Variants in MROH1 observed in about 807,000 individuals in gnomAD.
The protein encoded by MROH1 is maestro heat-like repeat-containing protein family member 1.
In MROH1, 117 loss-of-function variants were observed where a neutral mutation model predicts 116.5. The observed-to-expected ratio is 1.00, with a 90% CI of 0.86 to 1.17. MROH1 has a LOEUF of 1.17. Among genes scored for constraint, MROH1 ranks in the 50% most tolerant of loss-of-function variants. The pLI, the probability that MROH1 is intolerant of heterozygous loss-of-function variation, is 0.00. For missense variants in MROH1, 1,873 were observed against 1,338.5 expected, an observed-to-expected ratio of 1.40 and a Z score of -6.23; for synonymous variants, 921 against 583.9, an observed-to-expected ratio of 1.58 and a Z score of -8.32.
chr8:144,212,908 C>CT lies in MROH1; in HGVS notation c.1142-7691dup. 4.3e-6 allele frequency: 3 copies of CT among 701,664 alleles called. No homozygotes were observed. The South Asian group carries it at 4.6e-5, about 11-fold the overall frequency. The allele number at this position is 701,664 out of a possible 1,614,324, so 43.5% of individuals were successfully genotyped here. The stretch of plus-strand genomic sequence containing the variant: ...ATCTAACCTCTTTTCTGTTACGTCT[C>CT]TATCTCTGTTCTCAGGAATCCAGTT... On this transcript the variant is annotated intron_variant, in intron 12 of 43. Transcript: ENST00000326134.
At chr8:144,183,131 A>T (rs1826093431) in intron 7 of MROH1, among the ~76,000 whole-genome samples, 1 of 152,108 alleles carries the variant, frequency 6.6e-6, no homozygotes, top group African/African-American at 2.4e-5. Flanking sequence ...TAATCCCAGT[A>T]CTTTGGGAGG....
In MROH1 at chr8:144,255,644, C is replaced by T; in HGVS notation, c.3730C>T (p.Gln1244Ter). 1 of 771,232 alleles carries T rather than the reference C, an allele frequency of 1.3e-6. No homozygotes were observed. Among genetic ancestry groups the T allele is most frequent in the Non-Finnish European group, 2.4e-6 (1 of 414,474 alleles). 47.8% of individuals were successfully genotyped at this position (771,232 alleles called of 1,614,324 possible). ...TVGVQLPRNL[Q>*]AQERRGASPA... ...GGGTGTCCAGCTGCCCCGGAACCTG[C>T]AGGCCCAGGAAAGGAGGGGTGCCAG... The change falls in exon 35 of 44, where the codon CAG (glutamine) becomes TAG (stop). Residue 1244 changes from glutamine (Q) to a stop codon, truncating the protein, a stop_gained. Coordinates refer to ENST00000326134, the MANE Select transcript of MROH1 (RefSeq NM_032450.3). LOFTEE classifies it high-confidence loss of function.
chr8:144,201,890 G>A (rs575195472), intron 12 of MROH1, among the ~76,000 whole-genome samples: 54 of 152,118 alleles, frequency 3.5e-4, no homozygotes, highest in African/African-American at 1.2e-3. Context: ...GCGTGGTGGC[G>A]GGCGCCTGTA....
chr8:144,245,331 C>A, intron 29 of MROH1, 71 bp downstream of exon 29: 4 of 760,412 alleles, frequency 5.3e-6, no homozygotes, highest in Non-Finnish European at 9.6e-6. Context: ...GAGCTGCCTT[C>A]CTGGCTTCCT....
intron 1 of MROH1, among the ~76,000 whole-genome samples, chr8:144,157,085 A>C (rs991337050): frequency 1.6e-4 from 25 of 152,132 alleles, no homozygotes; most frequent in Admixed American, 1.4e-3. Flanking sequence ...CCTCCTGAGT[A>C]GCCGGGATTA....
chr8:144,158,371 C>G (rs1818683157), intron 1 of MROH1, among the ~76,000 whole-genome samples: 2 of 150,300 alleles, frequency 1.3e-5, no homozygotes, highest in Admixed American at 1.3e-4. Context: ...GTGATCCACC[C>G]ACCTTGGCCT....
At chr8:144,225,617 T>C (rs1489403057) in intron 14 of MROH1, among the ~76,000 whole-genome samples, 2 of 152,070 alleles carry the variant, frequency 1.3e-5, no homozygotes, top group African/African-American at 4.8e-5. Context: ...AGTGGTGCAA[T>C]CTTGGCTCAC....
At chr8:144,256,917 C>G (rs1047421432) in intron 35 of MROH1, among the ~76,000 whole-genome samples, 1 of 152,240 alleles carries the variant, frequency 6.6e-6, no homozygotes, top group South Asian at 2.1e-4. Flanking sequence ...TTGCAGGGCT[C>G]GAGGCCTGGA....
At chr8:144,234,755 C>G (rs1839744033) in intron 14 of MROH1, among the ~76,000 whole-genome samples, 1 of 150,520 alleles carries the variant, frequency 6.6e-6, no homozygotes, top group African/African-American at 2.4e-5. Flanking sequence ...TGACCTCAAG[C>G]CATCTACCCA....
Position 144,244,205 on chromosome 8 carries a change from C to G in MROH1, c.2556-17C>G, listed in dbSNP as rs1187053157. 1.4e-6 allele frequency: 1 copy of G among 716,640 alleles called. No homozygotes were observed. Among genetic ancestry groups the G allele is most frequent in the Non-Finnish European group, 2.6e-6 (1 of 384,906 alleles). 44.4% of individuals were successfully genotyped at this position (716,640 alleles called of 1,614,324 possible). On this transcript the variant is annotated splice_polypyrimidine_tract_variant and intron_variant, in intron 26 of 43. Transcript: ENST00000326134. ...AGCCTTAGGATCATTGTCTGGGGCC[C>G]TTAACTTGCCTCTCAGCTCCGTGGA...
chr8:144,237,335 A>G (rs1489389186), intron 14 of MROH1, among the ~76,000 whole-genome samples: 2 of 152,156 alleles, frequency 1.3e-5, no homozygotes, highest in African/African-American at 4.8e-5. Flanking sequence ...CTTGGTCGGT[A>G]GCACCCTTCG....
Position 144,198,783 on chromosome 8 carries a change from C to CCTG in MROH1, c.949-332_949-330dup, listed in dbSNP as rs1313718868. On this transcript the variant is annotated intron_variant, in intron 10 of 43. Transcript: ENST00000326134. Reference sequence around the variant, plus strand: ...GAAATATTTCTTGGGAATCTCTTTTCCTGCTGCTGGTAGGAGAGGTGGAAG... The same window carrying CCTG: ...GAAATATTTCTTGGGAATCTCTTTTCCTGCTGCTGCTGGTAGGAGAGGTGGAAG... Among the ~76,000 whole-genome samples the CCTG allele has an allele frequency of 2.6e-5, 4 of 152,246 alleles. No individual in the cohort carries two copies. In the East Asian group the frequency reaches 7.7e-4, roughly 29 times the overall value.
In MROH1 at chr8:144,196,232, T is replaced by C. The variant is rs1230267933; in HGVS notation, c.949-2890T>C. On this transcript the variant is annotated intron_variant, in intron 10 of 43. Transcript: ENST00000326134. ...TTGAACCCGGGAGGCGGAGGTTGCA[T>C]TGAGCCGAGATTGCGCCACCTCATT... 1.1e-4 allele frequency among the ~76,000 whole-genome samples: 17 copies of C among 150,632 alleles called. No homozygotes were observed. The East Asian group carries it at 3.2e-3, about 28-fold the overall frequency.
In MROH1 at chr8:144,200,480, C is replaced by T. The variant is rs775427232; in HGVS notation, c.1080C>T (p.Thr360=). Residue 360 remains threonine, a synonymous_variant, in exon 12 of 44, where the codon ACC becomes ACT. Transcript: ENST00000326134. The part of the protein sequence containing the change: ...LLAFLLPRLD[T]SNERTRVGTL... ...CCTTCCTGCTGCCCAGGCTGGACAC[C>T]AGCAATGAGAGGACCCGCGTGGGCA... The T allele has an allele frequency of 1.8e-5, 28 of 1,552,006 alleles. No individual in the cohort carries two copies. Among genetic ancestry groups the T allele is most frequent in the Non-Finnish European group, 2.4e-5 (27 of 1,147,774 alleles).
At chr8:144,148,355 C>T (rs1347089014) in intron 1 of MROH1, among the ~76,000 whole-genome samples, 4 of 152,164 alleles carry the variant, frequency 2.6e-5, no homozygotes, top group African/African-American at 7.2e-5. Context: ...GCGCGACCAC[C>T]CCTCTTCGGG....
intron 12 of MROH1, among the ~76,000 whole-genome samples, chr8:144,209,094 G>A (rs117534660): frequency 3.4e-5 from 5 of 148,970 alleles, no homozygotes; most frequent in African/African-American, 7.5e-5. Flanking sequence ...ACGGAGTTTC[G>A]CCATGTTAGT....
chr8:144,250,585 G>A, intron 33 of MROH1: 1 of 629,740 alleles, frequency 1.6e-6, no homozygotes, highest in Non-Finnish European at 2.9e-6. Context: ...ATCCTCACTG[G>A]CTCCGGTGGG....
chr8:144,248,655 G>C (rs1842316734), intron 31 of MROH1, among the ~76,000 whole-genome samples: 1 of 152,204 alleles, frequency 6.6e-6, no homozygotes, highest in African/African-American at 2.4e-5. Context: ...CACCTTCCAG[G>C]AGCCCGCCCA....
intron 12 of MROH1, among the ~76,000 whole-genome samples, chr8:144,209,807 G>A (rs1383067187): frequency 1.3e-5 from 2 of 150,506 alleles, no homozygotes; most frequent in Admixed American, 1.3e-4. Context: ...TCTGGGGACT[G>A]AGGTGAGAGG....
Sources: gnomAD v4.1 joint callset for allele counts (sites outside exome capture counted in the v4.1 genomes callset) on GRCh38, gnomAD v4.1.1 for gene constraint, MANE v1.5 for transcripts, NCBI Gene and HGNC (gene_info 2026-07-23, HGNC 2026-07-21) for gene names.